ALKBH1: variants seen among roughly 807,000 people sequenced by gnomAD.
The protein encoded by ALKBH1 is alkB homolog 1, histone H2A dioxygenase, also known as nucleic acid dioxygenase ALKBH1.
In ALKBH1, 31 loss-of-function variants were observed where a neutral mutation model predicts 36.6. That is an observed-to-expected ratio of 0.85 (90% confidence interval 0.64 to 1.14). The LOEUF (loss-of-function observed/expected upper bound fraction) is 1.14, where lower values mean the gene tolerates loss of function less well. Among genes scored for constraint, ALKBH1 ranks in the 50% most tolerant of loss-of-function variants. The pLI, the probability that ALKBH1 is intolerant of heterozygous loss-of-function variation, is 0.00. For synonymous variants in ALKBH1, 183 were observed against 186.6 expected (o/e 0.98, Z 0.16); for missense variants, 490 against 497.3 (o/e 0.99, Z 0.14).
chr14:77,699,821 A>AG (rs1566817315), intron 2 of ALKBH1, among the ~76,000 whole-genome samples: 1 of 152,124 alleles, frequency 6.6e-6, no homozygotes, highest in Non-Finnish European at 1.5e-5. Context: ...TTTGGGAGGC[A>AG]AGGAGGGCGG....
chr14:77,686,789 A>G (rs2080270819), intron 3 of ALKBH1, among the ~76,000 whole-genome samples: 1 of 151,882 alleles, frequency 6.6e-6, no homozygotes, highest in Non-Finnish European at 1.5e-5. Context: ...ATGCCCAGTT[A>G]ATTTTTGTAT....
intron 4 of ALKBH1, 122 bp from the exon 5 acceptor site, chr14:77,675,971 A>G (rs2080203286): frequency 2.5e-6 from 2 of 792,114 alleles, no homozygotes; most frequent in Non-Finnish European, 3.9e-6. Flanking sequence ...ATATTAACAC[A>G]GCATTATCTA....
In ALKBH1 at chr14:77,673,974, G is replaced by T. The variant is rs199787790; in HGVS notation, c.1008C>A (p.Thr336=). Residue 336 remains threonine (T), a synonymous_variant, in exon 6 of 6, where the codon ACC becomes ACA. Transcript: ENST00000216489. The part of the protein sequence containing the change: ...DWQVCASYLK[T]ARVNMTVRQV... ...GTCGGACAGTCATGTTAACACGAGC[G>T]GTCTTCAAGTAGCTGGCACACACCT... 5 of 1,614,136 alleles carry T rather than the reference G, an allele frequency of 3.1e-6. No homozygotes were observed. The East Asian group carries it at 8.9e-5, about 29-fold the overall frequency.
intron 2 of ALKBH1, among the ~76,000 whole-genome samples, chr14:77,697,736 T>C (rs1180959741): frequency 1.4e-5 from 2 of 144,554 alleles, no homozygotes; most frequent in African/African-American, 2.5e-5. Flanking sequence ...AAGCCGGGCA[T>C]GGTGGCCTGG....
At chr14:77,695,238 CATTT>C (rs752972539) in intron 2 of ALKBH1, among the ~76,000 whole-genome samples, 7 of 152,202 alleles carry the variant, frequency 4.6e-5, no homozygotes, top group African/African-American at 7.2e-5. Context: ...CTCCCTATTT[CATTT>C]ATTACAGGCA....
chr14:77,679,927 T>C lies in ALKBH1; in HGVS notation c.499A>G (p.Lys167Glu), dbSNP rs1284143716. 1 of 1,614,170 alleles carries C rather than the reference T, an allele frequency of 6.2e-7. No individual in the cohort carries two copies. The highest frequency in any genetic ancestry group is 8.5e-7 in the Non-Finnish European group (1 of 1,179,998). The change falls in exon 4 of 6, where the codon AAA becomes GAA. Residue 167 changes from lysine to glutamate, a missense_variant. Lys to Glu is a moderately conservative substitution (Grantham distance 56). Coordinates refer to ENST00000216489, the MANE Select transcript of ALKBH1 (RefSeq NM_006020.3). The stretch of plus-strand genomic sequence containing the variant: ...TAGCCTACGGTCACCCAACGCAGTT[T>C]CTCCAGTAAACTTCGGGGTCTCCGT... ...TKRRPRSLLE[K>E]LRWVTVGYHY...
intron 3 of ALKBH1, among the ~76,000 whole-genome samples, chr14:77,685,515 G>A (rs560386959): frequency 6.6e-5 from 10 of 152,050 alleles, no homozygotes; most frequent in Admixed American, 6.6e-5. Context: ...GGTGGCTCAC[G>A]CTTGTAATCC....
At chr14:77,692,673 T>A (rs568014416) in intron 3 of ALKBH1, among the ~76,000 whole-genome samples, 1 of 151,996 alleles carries the variant, frequency 6.6e-6, no homozygotes, top group South Asian at 2.1e-4. Context: ...CTCCTTCATG[T>A]TTTACCAATT....
intron 3 of ALKBH1, among the ~76,000 whole-genome samples, chr14:77,685,528 G>C (rs967852452): frequency 5.3e-5 from 8 of 152,052 alleles, no homozygotes; most frequent in Non-Finnish European, 8.8e-5. Context: ...TGTAATCCTA[G>C]CACTTCGGGA....
Position 77,708,022 on chromosome 14 carries a change from C to T in ALKBH1, c.-18G>A. 2 of 1,609,362 alleles carry T rather than the reference C, an allele frequency of 1.2e-6. No homozygotes were observed. Among genetic ancestry groups the T allele is most frequent in the South Asian group, 2.2e-5 (2 of 90,840 alleles). Reference sequence around the variant, plus strand: ...TTCCCCATCTCGCGGCCTATACCCTCTGATCCGGAAGCAGATTCTCTCGTG... The same window carrying T: ...TTCCCCATCTCGCGGCCTATACCCTTTGATCCGGAAGCAGATTCTCTCGTG... On this transcript the variant is annotated 5_prime_UTR_variant, in exon 1 of 6. Transcript: ENST00000216489.
At position 77,702,249 on chromosome 14, in the gene ALKBH1, G is replaced by A. The variant is rs140792664; in HGVS notation, c.292+2120C>T. Among the ~76,000 whole-genome samples, 349 of 152,130 alleles carry A rather than the reference G, an allele frequency of 2.3e-3. 2 individuals carry two copies. Among genetic ancestry groups the A allele is most frequent in the African/African-American group, 8.0e-3 (332 of 41,506 alleles). ...CTGGGAGGCAGAGGCTGCAGTGAGCGGAGATCACACCACTGCACTCCAGCC... is the reference window on the plus strand; with the variant it reads ...CTGGGAGGCAGAGGCTGCAGTGAGCAGAGATCACACCACTGCACTCCAGCC... On this transcript the variant is annotated intron_variant, in intron 2 of 5. Coordinates refer to ENST00000216489, the MANE Select transcript of ALKBH1 (RefSeq NM_006020.3).
intron 3 of ALKBH1, among the ~76,000 whole-genome samples, chr14:77,693,491 A>G (rs573767475): frequency 6.6e-6 from 1 of 152,372 alleles, no homozygotes; most frequent in East Asian, 1.9e-4. Flanking sequence ...AACTCAATAG[A>G]TAACAACTGA....
At chr14:77,675,102 C>A (rs1399397085) in intron 5 of ALKBH1, among the ~76,000 whole-genome samples, 1 of 152,122 alleles carries the variant, frequency 6.6e-6, no homozygotes, top group African/African-American at 2.4e-5. Context: ...TTCCACTTGT[C>A]TATTCCACAG....
At chr14:77,695,444 C>T (rs1485238839) in intron 2 of ALKBH1, among the ~76,000 whole-genome samples, 1 of 152,176 alleles carries the variant, frequency 6.6e-6, no homozygotes, top group Non-Finnish European at 1.5e-5. Flanking sequence ...GTCTGCTAAC[C>T]TGTGCCTATA....
intron 1 of ALKBH1, 104 bp downstream of exon 1, chr14:77,707,718 A>G: frequency 7.4e-7 from 1 of 1,342,684 alleles, no homozygotes; most frequent in South Asian, 1.6e-5. Context: ...GAATCGTTCA[A>G]TAACAATCGG....
chr14:77,682,107 T>C (rs1290865441), intron 3 of ALKBH1, among the ~76,000 whole-genome samples: 41 of 152,160 alleles, frequency 2.7e-4, no homozygotes, highest in Admixed American at 2.6e-3. Context: ...GACAGATAAC[T>C]AATAATTTAG....
intron 4 of ALKBH1, among the ~76,000 whole-genome samples, chr14:77,677,584 T>C (rs2080212849): frequency 6.6e-6 from 1 of 152,204 alleles, no homozygotes; most frequent in Non-Finnish European, 1.5e-5. Flanking sequence ...GAATATATTC[T>C]AGCTGAAGCA....
intron 4 of ALKBH1, among the ~76,000 whole-genome samples, chr14:77,678,628 C>A (rs990339460): frequency 2.0e-5 from 3 of 149,888 alleles, no homozygotes; most frequent in Non-Finnish European, 4.4e-5. Flanking sequence ...TCATTTTATT[C>A]TTATAATCAG....
At chr14:77,698,851 C>T (rs565986329) in intron 2 of ALKBH1, among the ~76,000 whole-genome samples, 47 of 152,344 alleles carry the variant, frequency 3.1e-4, no homozygotes, top group Middle Eastern at 3.4e-3. Flanking sequence ...CTGGTTCAAG[C>T]GATTCTTCTG....
Sources: gnomAD v4.1 joint callset for allele counts (sites outside exome capture counted in the v4.1 genomes callset) on GRCh38, gnomAD v4.1.1 for gene constraint, MANE v1.5 for transcripts, NCBI Gene and HGNC (gene_info 2026-07-23, HGNC 2026-07-21) for gene names.